Variants in DMD observed in about 807,000 individuals in gnomAD.
DMD encodes the protein dystrophin, also known as mutant dystrophin.
A neutral mutation model predicts 330.1 loss-of-function variants in DMD; 63 were observed. That is an observed-to-expected ratio of 0.19 (90% CI 0.16 to 0.24). The LOEUF is 0.24. Among genes scored for constraint, DMD ranks in the 10% least tolerant of loss-of-function variants. The pLI, the probability that DMD is intolerant of heterozygous loss-of-function variation, is 1.00. For missense variants in DMD, 3,344 were observed against 2,684.1 expected (o/e 1.25, Z -5.43); for synonymous variants, 1,223 against 959.8 (o/e 1.27, Z -5.07).
chrX:31,746,392 G>T (rs2149096886), intron 51 of DMD, among the ~76,000 whole-genome samples: 1 of 111,711 alleles, frequency 9.0e-6, no homozygotes, highest in African/African-American at 3.2e-5. Context: ...AAAATAATTG[G>T]CACAGCTGTT....
chrX:32,498,908 C>T (rs1251172313), intron 19 of DMD, among the ~76,000 whole-genome samples: 1 of 111,525 alleles, frequency 9.0e-6, no homozygotes, highest in Non-Finnish European at 1.9e-5. Flanking sequence ...ACAACCTTAA[C>T]ACCCTATCCT....
chrX:32,835,302 C>T (rs1173889944), intron 4 of DMD, among the ~76,000 whole-genome samples: 1 of 111,778 alleles, frequency 8.9e-6, no homozygotes, highest in Non-Finnish European at 1.9e-5. Context: ...ATTTGCTTTA[C>T]CTTCAAAAAC....
chrX:32,252,875 T>G (rs1201299093), intron 43 of DMD, among the ~76,000 whole-genome samples: 3 of 73,788 alleles, frequency 4.1e-5, no homozygotes, highest in African/African-American at 5.6e-5. Context: ...TATAAATATA[T>G]AAAAATATAT....
intron 44 of DMD, among the ~76,000 whole-genome samples, chrX:32,131,547 T>A (rs1366303302): frequency 8.9e-6 from 1 of 112,228 alleles, no homozygotes; most frequent in Non-Finnish European, 1.9e-5. Flanking sequence ...AGCTAGGGAT[T>A]GTCAAGATCA....
intron 15 of DMD, among the ~76,000 whole-genome samples, chrX:32,568,015 C>A (rs1375652275): frequency 8.9e-6 from 1 of 111,831 alleles, no homozygotes; most frequent in East Asian, 2.8e-4. Context: ...ATGGTCTACC[C>A]ATTATTTAAA....
At chrX:31,847,015 TG>T (rs1569475994) in intron 48 of DMD, among the ~76,000 whole-genome samples, 1 of 111,799 alleles carries the variant, frequency 8.9e-6, no homozygotes, top group Non-Finnish European at 1.9e-5. Context: ...GAAGAGCAGG[TG>T]GCATGCCAAA....
intron 42 of DMD, among the ~76,000 whole-genome samples, chrX:32,296,482 A>G (rs1383543920): frequency 9.0e-6 from 1 of 111,228 alleles, no homozygotes; most frequent in African/African-American, 3.3e-5. Context: ...TTCAACATCC[A>G]ATTACTAAAT....
intron 44 of DMD, among the ~76,000 whole-genome samples, chrX:31,991,222 AGG>A (rs2095547986): frequency 8.9e-6 from 1 of 111,794 alleles, no homozygotes; most frequent in East Asian, 2.8e-4. Context: ...ACAGGTTTTA[AGG>A]AGACAAACGA....
rs1429141518 is a variant in DMD, at chrX:31,836,690, T to C, written c.7200+28A>G. On this transcript the variant is annotated intron_variant, in intron 49 of 78. Transcript: ENST00000357033. ...GGAAGCATAACCCATTATGAGGTAA[T>C]GGATATTGCTAGAGGTTGCTTCATT... 6 of 1,116,261 alleles carry C rather than the reference T, an allele frequency of 5.4e-6. No homozygotes were observed. In the Admixed American group the frequency reaches 8.7e-5, roughly 16 times the overall value. 92.0% of individuals were successfully genotyped at this position (1,116,261 alleles called of 1,213,427 possible).
chrX:33,243,112 C>G (rs189815598), intron 1 of DMD, among the ~76,000 whole-genome samples: 215 of 111,522 alleles, frequency 1.9e-3, no homozygotes, highest in African/African-American at 6.7e-3. Flanking sequence ...TTCATTAGGC[C>G]CCAGCTATTT....
At chrX:31,768,528 T>G (rs1446716179) in intron 51 of DMD, among the ~76,000 whole-genome samples, 3 of 109,863 alleles carry the variant, frequency 2.7e-5, no homozygotes, top group Non-Finnish European at 5.7e-5. Flanking sequence ...TCCTCCCTTC[T>G]TTGTTCTCTC....
intron 29 of DMD, among the ~76,000 whole-genome samples, chrX:32,413,011 T>C (rs1179199010): frequency 9.0e-6 from 1 of 111,198 alleles, no homozygotes; most frequent in Non-Finnish European, 1.9e-5. Flanking sequence ...GGAAGTTTAG[T>C]GATGCTGCAG....
intron 60 of DMD, among the ~76,000 whole-genome samples, chrX:31,428,892 C>T (rs1347102135): frequency 1.8e-5 from 2 of 111,561 alleles, no homozygotes; most frequent in African/African-American, 3.3e-5. Context: ...GAGGCCAAGG[C>T]GGGCAGATCA....
intron 2 of DMD, among the ~76,000 whole-genome samples, chrX:32,889,062 G>A (rs1445371136): frequency 1.8e-5 from 2 of 110,498 alleles, no homozygotes; most frequent in East Asian, 2.8e-4. Flanking sequence ...TGAAAGAACC[G>A]CCACCACAAC....
intron 9 of DMD, among the ~76,000 whole-genome samples, chrX:32,689,978 T>A (rs1295590759): frequency 9.1e-6 from 1 of 110,361 alleles, no homozygotes; most frequent in Non-Finnish European, 1.9e-5. Context: ...GGATTTTCTA[T>A]GAAATCAGGA....
chrX:32,138,825 G>A (rs2096739803), intron 44 of DMD, among the ~76,000 whole-genome samples: 1 of 112,042 alleles, frequency 8.9e-6, no homozygotes, highest in Non-Finnish European at 1.9e-5. Context: ...CTAAGTGCCT[G>A]GTATGTGGAT....
At chrX:32,671,148 A>C (rs2061609512) in intron 9 of DMD, among the ~76,000 whole-genome samples, 1 of 110,978 alleles carries the variant, frequency 9.0e-6, no homozygotes, top group Non-Finnish European at 1.9e-5. Context: ...GTAAATTACC[A>C]CCAAGATAAT....
intron 63 of DMD, among the ~76,000 whole-genome samples, chrX:31,226,170 T>C (rs1390688300): frequency 2.7e-5 from 3 of 112,102 alleles, no homozygotes; most frequent in Non-Finnish European, 3.8e-5. Flanking sequence ...TCCGAATCAA[T>C]ATTTTACTAA....
At chrX:32,108,702 C>T (rs2096575878) in intron 44 of DMD, among the ~76,000 whole-genome samples, 1 of 111,854 alleles carries the variant, frequency 8.9e-6, no homozygotes, top group African/African-American at 3.2e-5. Flanking sequence ...AATTAAAATA[C>T]TTACAGAAAA....
Sources: allele counts gnomAD v4.1 joint callset (sites outside exome capture counted in the v4.1 genomes callset), GRCh38; gene constraint gnomAD v4.1.1; transcripts MANE v1.5; gene names NCBI Gene and HGNC (gene_info 2026-07-23, HGNC 2026-07-21).